ADGRV1: variants seen among roughly 807,000 people sequenced by gnomAD.
ADGRV1 encodes G-protein coupled receptor 98.
In ADGRV1, 359 loss-of-function variants were observed where a neutral mutation model predicts 596.2. The observed-to-expected ratio is 0.60, with a 90% CI of 0.55 to 0.66. The LOEUF (loss-of-function observed/expected upper bound fraction) is 0.66, where lower values mean the gene tolerates loss of function less well. ADGRV1 is among the 30% of genes least tolerant of loss of function. The pLI is 0.00. For missense variants in ADGRV1, 7,274 were observed against 7,575.6 expected (o/e 0.96, Z 1.48); for synonymous variants, 2,681 against 2,679.2 (o/e 1.00, Z -0.02).
Position 90,739,051 on chromosome 5 carries a change from T to A in ADGRV1, c.10550-5995T>A, listed in dbSNP as rs191029241. Among the ~76,000 whole-genome samples the A allele has an allele frequency of 6.6e-5, 10 of 152,134 alleles. No individual in the cohort carries two copies. In the East Asian group the frequency reaches 1.9e-3, roughly 29 times the overall value. On this transcript the variant is annotated intron_variant, in intron 50 of 89. Coordinates refer to ENST00000405460, the MANE Select transcript of ADGRV1 (RefSeq NM_032119.4). ...GTATCCTATCTTTTAATTCACTAAT[T>A]TTCTTTCTTCTGCTTGATCAAGTCT... is the stretch of plus-strand genomic sequence containing the variant.
chr5:90,764,917 C>T (rs1756931542), intron 59 of ADGRV1, among the ~76,000 whole-genome samples: 1 of 152,096 alleles, frequency 6.6e-6, no homozygotes, highest in South Asian at 2.1e-4. Context: ...TCCTGAATAG[C>T]CACTTATAGC....
At chr5:90,969,076 T>C (rs539705748) in intron 84 of ADGRV1, among the ~76,000 whole-genome samples, 1 of 108,806 alleles carries the variant, frequency 9.2e-6, no homozygotes, top group African/African-American at 5.1e-5. Flanking sequence ...GATTATATTT[T>C]AGAGTAGCTT....
At chr5:90,797,891 A>G (rs1271653764) in intron 70 of ADGRV1, among the ~76,000 whole-genome samples, 2 of 152,336 alleles carry the variant, frequency 1.3e-5, no homozygotes, top group East Asian at 3.9e-4. Flanking sequence ...GAGAACAAAG[A>G]CACAATGTAC....
At chr5:91,040,012 GGTA>G (rs1447623157) in intron 85 of ADGRV1, among the ~76,000 whole-genome samples, 1 of 151,876 alleles carries the variant, frequency 6.6e-6, no homozygotes, top group African/African-American at 2.4e-5. Context: ...ATGAGTAATG[GGTA>G]GAAAATAAAA....
At chr5:90,646,832 G>A (rs1449905981) in intron 16 of ADGRV1, among the ~76,000 whole-genome samples, 9 of 149,348 alleles carry the variant, frequency 6.0e-5, no homozygotes, top group Middle Eastern at 6.8e-3. Context: ...GGAGTGCAGC[G>A]GCGTGATCTC....
At chr5:90,803,240 C>T (rs1430956237) in intron 71 of ADGRV1, among the ~76,000 whole-genome samples, 1 of 151,908 alleles carries the variant, frequency 6.6e-6, no homozygotes, top group Non-Finnish European at 1.5e-5. Flanking sequence ...TTTACAGGGG[C>T]GAGTTTGTCT....
intron 45 of ADGRV1, among the ~76,000 whole-genome samples, chr5:90,723,015 G>A (rs1237506536): frequency 6.6e-6 from 1 of 152,044 alleles, no homozygotes; most frequent in Non-Finnish European, 1.5e-5. Flanking sequence ...GCTTTAAAAT[G>A]GAGGAAAAAG....
In ADGRV1 at chr5:91,044,292, A is replaced by T. The variant is rs567768335; in HGVS notation, c.18153-28155A>T. On this transcript the variant is annotated intron_variant, in intron 85 of 89. Coordinates refer to ENST00000405460, the MANE Select transcript of ADGRV1 (RefSeq NM_032119.4). ...GCCTGATATTTTAGTTTGACTTCTC[A>T]AAGTCAGTTATATTTTCAGTATAAA... Among the ~76,000 whole-genome samples, 160 of 152,268 alleles carry T rather than the reference A, an allele frequency of 1.1e-3. 1 individual carries two copies. Among genetic ancestry groups the T allele is most frequent in the Non-Finnish European group, 2.5e-4 (17 of 68,010 alleles).
At chr5:90,858,198 A>G (rs1767210632) in intron 82 of ADGRV1, among the ~76,000 whole-genome samples, 1 of 152,214 alleles carries the variant, frequency 6.6e-6, no homozygotes, top group Admixed American at 6.5e-5. Context: ...CAAATCATCC[A>G]TTGCTGTGGG....
At chr5:90,640,394 C>A (rs1196094535) in intron 11 of ADGRV1, among the ~76,000 whole-genome samples, 1 of 152,148 alleles carries the variant, frequency 6.6e-6, no homozygotes, top group African/African-American at 2.4e-5. Flanking sequence ...ACTCAAAGAA[C>A]AACTGGCTTT....
intron 86 of ADGRV1, among the ~76,000 whole-genome samples, chr5:91,073,906 C>G (rs539542484): frequency 6.6e-6 from 1 of 152,176 alleles, no homozygotes; most frequent in African/African-American, 2.4e-5. Context: ...CCACATTGCC[C>G]AGGCTGGTCT....
intron 11 of ADGRV1, among the ~76,000 whole-genome samples, chr5:90,641,575 C>T (rs764101738): frequency 2.0e-4 from 30 of 152,076 alleles, no homozygotes; most frequent in Non-Finnish European, 2.6e-4. Context: ...AAATAACTCT[C>T]CTATTATTTA....
At chr5:90,979,270 G>A (rs1269456556) in intron 84 of ADGRV1, among the ~76,000 whole-genome samples, 1 of 151,798 alleles carries the variant, frequency 6.6e-6, no homozygotes, top group Non-Finnish European at 1.5e-5. Context: ...CCTGGCTCAA[G>A]CAATCCTCCG....
chr5:91,092,157 A>G (rs111899310), intron 86 of ADGRV1, among the ~76,000 whole-genome samples: 2,848 of 152,080 alleles, frequency 0.019, 78 homozygotes, highest in African/African-American at 0.062. Context: ...CTGGAGTGCA[A>G]TGGTGCAATC....
At chr5:90,822,903 A>T (rs905924308) in intron 75 of ADGRV1, among the ~76,000 whole-genome samples, 14 of 152,182 alleles carry the variant, frequency 9.2e-5, no homozygotes, top group African/African-American at 3.1e-4. Context: ...TGTGAATGGG[A>T]GTTCACTCAT....
intron 85 of ADGRV1, among the ~76,000 whole-genome samples, chr5:90,988,076 A>G (rs1780642366): frequency 6.6e-6 from 1 of 152,148 alleles, no homozygotes; most frequent in African/African-American, 2.4e-5. Context: ...CCCTGAAGGG[A>G]AAAGTGGTAT....
In ADGRV1 at chr5:90,853,400, C is replaced by A; in HGVS notation, c.17321C>A (p.Pro5774Gln). 1.9e-6 allele frequency: 3 copies of A among 1,613,496 alleles called. No homozygotes were observed. Among genetic ancestry groups the A allele is most frequent in the Non-Finnish European group, 2.5e-6 (3 of 1,179,592 alleles). The change falls in exon 80 of 90, where the codon CCA becomes CAA. Residue 5774 changes from proline to glutamine, a missense_variant. Pro to Gln is a moderately conservative substitution (Grantham distance 76). Around this residue, in one of 5 missense-constraint regions of ADGRV1, gnomAD observed 1,874 missense variants for 1,970.2 expected, o/e 0.95. Coordinates refer to ENST00000405460, the MANE Select transcript of ADGRV1 (RefSeq NM_032119.4). ...EGKEGDYIRI[P>Q]ERLLDVQDAE... Reference sequence around the variant, plus strand: ...AAGGAAGGAGATTACATTCGAATTCCAGAGAGGCTACTGGATGTCCAGGAT... The same window carrying A: ...AAGGAAGGAGATTACATTCGAATTCAAGAGAGGCTACTGGATGTCCAGGAT...
At chr5:90,729,596 T>TC in intron 49 of ADGRV1, 46 bp from the exon 50 acceptor site, 2 of 1,455,616 alleles carry the variant, frequency 1.4e-6, no homozygotes. Flanking sequence ...GTCATTTTTT[T>TC]CTGTAACTTT....
chr5:90,664,145 TGAA>T (rs1458207301), intron 21 of ADGRV1, among the ~76,000 whole-genome samples: 1 of 149,336 alleles, frequency 6.7e-6, no homozygotes, highest in Non-Finnish European at 1.5e-5. Flanking sequence ...TCCAATTCTG[TGAA>T]GAAAGTCATT....
Sources: gnomAD v4.1 joint callset for allele counts (sites outside exome capture counted in the v4.1 genomes callset) on GRCh38, gnomAD v4.1.1 for gene constraint, gnomAD v4.1.1 regional missense constraint, MANE v1.5 for transcripts, NCBI Gene and HGNC (gene_info 2026-07-23, HGNC 2026-07-21) for gene names.